Variants in FAM78A observed in about 807,000 individuals in gnomAD.
FAM78A encodes family with sequence similarity 78 member A, also known as protein FAM78A.
FAM78A carries 12 observed loss-of-function variants against 22.6 expected under a neutral mutation model. That is an observed-to-expected ratio of 0.53 (90% CI 0.34 to 0.86). FAM78A has a LOEUF of 0.86. FAM78A is among the 40% of genes least tolerant of loss of function. The probability of loss-of-function intolerance (pLI) is 0.02; values close to 1 mark genes in which losing one functional copy is unlikely to be tolerated. For synonymous variants in FAM78A, 151 were observed against 155.8 expected (o/e 0.97, Z 0.23); for missense variants, 322 against 396.1 (o/e 0.81, Z 1.59).
upstream of FAM78A, among the ~76,000 whole-genome samples, chr9:131,277,044 G>C (rs948748656): frequency 6.6e-6 from 1 of 150,452 alleles, no homozygotes; most frequent in African/African-American, 2.4e-5. This position sits in a 1 kb window ranked among gnomAD's most constrained non-coding sequence, Gnocchi z 8.4. Flanking sequence ...TGTGCGCTGG[G>C]CGCGGGCTGC....
Position 131,272,543 on chromosome 9 carries a change from AC to A in FAM78A, c.323+3313del, listed in dbSNP as rs1835433420. On this transcript the variant is annotated intron_variant, in intron 1 of 1. Coordinates refer to ENST00000372271, the MANE Select transcript of FAM78A (RefSeq NM_033387.4). The surrounding 1 kb of genome is among the most constrained non-coding windows in gnomAD (Gnocchi z 4.1). ...TCTGGGCTGGTTGGGGTTTCTGGTC[AC>A]CCCAACCACTGTTCCCTTTCCTTTT... is the stretch of plus-strand genomic sequence containing the variant. 6.6e-6 allele frequency among the ~76,000 whole-genome samples: 1 copy of A among 152,162 alleles called. No individual in the cohort carries two copies. Among genetic ancestry groups the A allele is most frequent in the African/African-American group, 2.4e-5 (1 of 41,442 alleles).
intron 1 of FAM78A, among the ~76,000 whole-genome samples, chr9:131,267,824 T>C (rs1374041414): frequency 6.6e-6 from 1 of 150,636 alleles, no homozygotes; most frequent in African/African-American, 2.5e-5. Flanking sequence ...GGCGGGCAGA[T>C]CACAAGGTCA....
intron 1 of FAM78A, among the ~76,000 whole-genome samples, chr9:131,271,053 T>A (rs192043417): frequency 1.5e-3 from 221 of 146,318 alleles, no homozygotes; most frequent in Admixed American, 4.2e-3. Context: ...TTGCCCCAGC[T>A]GGAGTGCAGT....
Position 131,265,468 on chromosome 9 carries a change from C to G in FAM78A, c.324-4118G>C, listed in dbSNP as rs1300737529. On this transcript the variant is annotated intron_variant, in intron 1 of 1. Transcript: ENST00000372271. The surrounding 1 kb of genome is among the most constrained non-coding windows in gnomAD (Gnocchi z 4.3). The stretch of plus-strand genomic sequence containing the variant: ...TTCACCGTGTTATTCAGGTTGGTCT[C>G]GAACTCCTGACCTCAGGTAACCCAC... 6.6e-6 allele frequency among the ~76,000 whole-genome samples: 1 copy of G among 152,128 alleles called. No individual in the cohort carries two copies. Among genetic ancestry groups the G allele is most frequent in the East Asian group, 1.9e-4 (1 of 5,182 alleles).
chr9:131,275,939 G>A lies in FAM78A; in HGVS notation c.241C>T (p.Pro81Ser). 2 of 1,613,456 alleles carry A rather than the reference G, an allele frequency of 1.2e-6. No individual in the cohort carries two copies. Among genetic ancestry groups the A allele is most frequent in the Non-Finnish European group, 1.7e-6 (2 of 1,179,990 alleles). Reference sequence around the variant, plus strand: ...CCAACTACCCAAGTCTCCTTCTTGGGGATGGGCGGCATGACCACCTGGGCC... The same window carrying A: ...CCAACTACCCAAGTCTCCTTCTTGGAGATGGGCGGCATGACCACCTGGGCC... Reference protein sequence around the residue: ...ASAQVVMPPIPKKETWVVGWI... With the variant: ...ASAQVVMPPISKKETWVVGWI... The change falls in exon 1 of 2, where the codon CCC becomes TCC. Residue 81 changes from proline (P) to serine (S), a missense_variant. By Grantham distance (74) the Pro-to-Ser change is moderately conservative (BLOSUM62 -1). Transcript: ENST00000372271. This position sits in a 1 kb window ranked among gnomAD's most constrained non-coding sequence, Gnocchi z 4.6.
rs1564240237 is a variant in FAM78A, at chr9:131,276,212, AC to A, written c.-34del. 6.4e-7 allele frequency: 1 copy of A among 1,565,200 alleles called. No individual in the cohort carries two copies. On this transcript the variant is annotated 5_prime_UTR_variant, in exon 1 of 2. Transcript: ENST00000372271. The surrounding 1 kb of genome is among the most constrained non-coding windows in gnomAD (Gnocchi z 4.3). ...ACAGAGGCTGCAGGACCCAGTACAGACGGCGCTGCTCTCCAATCTCAACTCT... is the reference window on the plus strand; with the variant it reads ...ACAGAGGCTGCAGGACCCAGTACAGAGGCGCTGCTCTCCAATCTCAACTCT...
chr9:131,258,968 A>C lies in FAM78A; in HGVS notation c.*1854T>G, dbSNP rs1424471167. 1 of 152,656 alleles carries C rather than the reference A, an allele frequency of 6.6e-6. No individual in the cohort carries two copies. Among genetic ancestry groups the C allele is most frequent in the East Asian group, 1.9e-4 (1 of 5,198 alleles). 9.5% of individuals were successfully genotyped at this position (152,656 alleles called of 1,614,324 possible). A position where few individuals can be genotyped will look rare whatever the true frequency, so the allele number is the denominator to read the frequency against. ...CGAGCTGGGCCCGGAGACCGACGGC[A>C]GTGGCTAAACGGTCATTAAGCACCC... is the stretch of plus-strand genomic sequence containing the variant. On this transcript the variant is annotated 3_prime_UTR_variant, in exon 2 of 2. Coordinates refer to ENST00000372271, the MANE Select transcript of FAM78A (RefSeq NM_033387.4).
rs1006710371 is a variant in FAM78A at position 131,259,656 on chromosome 9, G to A, written c.*1166C>T. 1 of 152,496 alleles carries A rather than the reference G, an allele frequency of 6.6e-6. No individual in the cohort carries two copies. The highest frequency in any genetic ancestry group is 1.5e-5 in the Non-Finnish European group (1 of 68,152). The allele number at this position is 152,496 out of a possible 1,614,324, so 9.4% of individuals were successfully genotyped here. ...CTTGGCCCTTTTACAGTACACCAGGGGCCAGCCAGCCACAGGGGCCGGGGC... is the reference window on the plus strand; with the variant it reads ...CTTGGCCCTTTTACAGTACACCAGGAGCCAGCCAGCCACAGGGGCCGGGGC... On this transcript the variant is annotated 3_prime_UTR_variant, in exon 2 of 2. Transcript: ENST00000372271.
chr9:131,280,080 C>T (rs1410726843), upstream of FAM78A, among the ~76,000 whole-genome samples: 6 of 151,816 alleles, frequency 4.0e-5, no homozygotes, highest in East Asian at 1.2e-3. Flanking sequence ...TTGACATCAC[C>T]CCTGCACAGG....
At chr9:131,278,186 G>C (rs1261665204), upstream of FAM78A, among the ~76,000 whole-genome samples, 1 of 152,018 alleles carries the variant, frequency 6.6e-6, no homozygotes, top group Non-Finnish European at 1.5e-5. Flanking sequence ...TGCTCGGGGA[G>C]CTGAGCCTCT....
rs1046681648 is a variant in FAM78A at position 131,265,974 on chromosome 9, C to A, written c.324-4624G>T. Among the ~76,000 whole-genome samples, 12 of 152,198 alleles carry A rather than the reference C, an allele frequency of 7.9e-5. No homozygotes were observed. The highest frequency in any genetic ancestry group is 1.3e-4 in the Admixed American group (2 of 15,282). ...GTCCCTGTCCTGAGTCCCATCATCA[C>A]CCACCCAACAAACATCTGCAGGGCA... On this transcript the variant is annotated intron_variant, in intron 1 of 1. Coordinates refer to ENST00000372271, the MANE Select transcript of FAM78A (RefSeq NM_033387.4). The surrounding 1 kb of genome is among the most constrained non-coding windows in gnomAD (Gnocchi z 4.3).
Position 131,261,440 on chromosome 9 carries a change from T to C in FAM78A, c.324-90A>G, listed in dbSNP as rs1294438194. ...GCAGGCCAGGGGCTGTCCTGGGCCC[T>C]GAGGATGGAACGGACCCAGCAGACC... On this transcript the variant is annotated intron_variant, in intron 1 of 1. Coordinates refer to ENST00000372271, the MANE Select transcript of FAM78A (RefSeq NM_033387.4). The surrounding 1 kb of genome is among the most constrained non-coding windows in gnomAD (Gnocchi z 7.1). 16 of 1,292,120 alleles carry C rather than the reference T, an allele frequency of 1.2e-5. No individual in the cohort carries two copies. The highest frequency in any genetic ancestry group is 1.7e-5 in the Non-Finnish European group (16 of 966,866). 80.0% of individuals were successfully genotyped at this position (1,292,120 alleles called of 1,614,324 possible). A position where few individuals can be genotyped will look rare whatever the true frequency, so the allele number is the denominator to read the frequency against.
At chr9:131,273,978 G>T (rs919723379) in intron 1 of FAM78A, among the ~76,000 whole-genome samples, 2 of 152,232 alleles carry the variant, frequency 1.3e-5, no homozygotes, top group Non-Finnish European at 2.9e-5. Context: ...AAGGCATGAG[G>T]CTCTTCCAAC....
chr9:131,269,141 C>G (rs1835385137), intron 1 of FAM78A, among the ~76,000 whole-genome samples: 1 of 148,850 alleles, frequency 6.7e-6, no homozygotes, highest in South Asian at 2.1e-4. Context: ...CAAGTGAAAA[C>G]TGAAACCTAC....
In FAM78A at chr9:131,261,029, G is replaced by A. The variant is rs2281899; in HGVS notation, c.645C>T (p.Leu215=). The A allele has an allele frequency of 1.3e-3, 2,085 of 1,614,110 alleles. 49 individuals are homozygous for A. In the East Asian group the frequency reaches 0.043, roughly 33 times the overall value. The change falls in exon 2 of 2, where the codon CTC becomes CTT. Residue 215 remains leucine (L), a synonymous_variant. Transcript: ENST00000372271. This position sits in a 1 kb window ranked among gnomAD's most constrained non-coding sequence, Gnocchi z 7.1. Reference sequence around the variant, plus strand: ...GCCGGTTGGGGTTCACCTCGATGCTGAGCTGCATGCGCCAGTGCAGCGTCT... The same window carrying A: ...GCCGGTTGGGGTTCACCTCGATGCTAAGCTGCATGCGCCAGTGCAGCGTCT... ...ILQTLHWRMQ[L]SIEVNPNRPL...
chr9:131,277,806 C>G (rs1033507658), upstream of FAM78A, among the ~76,000 whole-genome samples: 16 of 151,384 alleles, frequency 1.1e-4, no homozygotes, highest in Non-Finnish European at 1.9e-4. This position sits in a 1 kb window ranked among gnomAD's most constrained non-coding sequence, Gnocchi z 8.4. Context: ...ATTTTATGAT[C>G]ATTGTGAGCG....
chr9:131,279,382 C>T (rs954950998), upstream of FAM78A, among the ~76,000 whole-genome samples: 4 of 152,248 alleles, frequency 2.6e-5, no homozygotes, highest in African/African-American at 9.6e-5. Context: ...GCCTTCTGCA[C>T]CTCTTGTGCC....
chr9:131,279,525 T>C (rs1281107625), upstream of FAM78A, among the ~76,000 whole-genome samples: 1 of 152,196 alleles, frequency 6.6e-6, no homozygotes, highest in Admixed American at 6.5e-5. Context: ...AATGCTATCC[T>C]GGAAATGAGG....
intron 1 of FAM78A, chr9:131,264,233 C>T (rs372311550): frequency 6.1e-5 from 16 of 263,872 alleles, no homozygotes; most frequent in African/African-American, 3.1e-4. Flanking sequence ...GCAAAATAGC[C>T]CTCCTCTTCC....
Sources: gnomAD v4.1 joint callset for allele counts (sites outside exome capture counted in the v4.1 genomes callset) on GRCh38, gnomAD v4.1.1 for gene constraint, Gnocchi (gnomAD v3.1) non-coding constraint, MANE v1.5 for transcripts, NCBI Gene and HGNC (gene_info 2026-07-23, HGNC 2026-07-21) for gene names.